Variants in KANSL1 observed in about 807,000 individuals in gnomAD.
KANSL1 encodes MLL1/MLL complex subunit KANSL1.
KANSL1 carries 22 observed loss-of-function variants against 103.6 expected under a neutral mutation model. The ratio of observed to expected loss-of-function variants is 0.21; its 90% confidence interval spans 0.15 to 0.30. The LOEUF (loss-of-function observed/expected upper bound fraction) is 0.30. Among genes scored for constraint, KANSL1 ranks in the 10% least tolerant of loss-of-function variants. KANSL1 has a pLI of 1.00. For missense variants in KANSL1, 1,337 were observed against 1,399.8 expected (o/e 0.96, Z 0.72); for synonymous variants, 600 against 527.6 (o/e 1.14, Z -1.88).
intron 2 of KANSL1, among the ~76,000 whole-genome samples, chr17:46,123,389 G>C (rs1598681912): frequency 6.6e-6 from 1 of 152,118 alleles, no homozygotes; most frequent in East Asian, 1.9e-4. Flanking sequence ...AAAAGAAAAA[G>C]AATATATATT....
chr17:46,132,081 C>T (rs1036758394), intron 2 of KANSL1, among the ~76,000 whole-genome samples: 1 of 151,970 alleles, frequency 6.6e-6, no homozygotes, highest in Admixed American at 6.6e-5. Flanking sequence ...GAGTCAAGAT[C>T]GTGCCATTGC....
chr17:46,183,445 T>C (rs1244568165), intron 1 of KANSL1, among the ~76,000 whole-genome samples: 4 of 151,352 alleles, frequency 2.6e-5, no homozygotes, highest in Admixed American at 1.3e-4. Context: ...CTGGGCATAG[T>C]GGGAGGGTCA....
intron 1 of KANSL1, among the ~76,000 whole-genome samples, chr17:46,217,304 C>G (rs1343674226): frequency 1.3e-5 from 2 of 150,500 alleles, no homozygotes; most frequent in Non-Finnish European, 3.0e-5. Flanking sequence ...GGTGAAACCC[C>G]ATCTCTACCA....
At chr17:46,153,762 T>C (rs944552425) in intron 2 of KANSL1, among the ~76,000 whole-genome samples, 1 of 152,150 alleles carries the variant, frequency 6.6e-6, no homozygotes, top group Non-Finnish European at 1.5e-5. Flanking sequence ...AAAGTATCAA[T>C]ACAAAGAAGA....
intron 10 of KANSL1, 96 bp downstream of exon 10, chr17:46,038,442 G>C (rs1032490928): frequency 1.0e-5 from 14 of 1,333,672 alleles, no homozygotes; most frequent in African/African-American, 2.9e-5. Context: ...AAATGCCCTG[G>C]GCTTTATAAC....
intron 2 of KANSL1, among the ~76,000 whole-genome samples, chr17:46,153,580 A>C (rs993144148): frequency 6.6e-6 from 1 of 152,238 alleles, no homozygotes; most frequent in African/African-American, 2.4e-5. Flanking sequence ...ACAGAACACT[A>C]GTATAGGAAA....
At chr17:46,212,716 G>C (rs2048202829) in intron 1 of KANSL1, among the ~76,000 whole-genome samples, 1 of 152,018 alleles carries the variant, frequency 6.6e-6, no homozygotes, top group Non-Finnish European at 1.5e-5. Flanking sequence ...TAAATTCCTA[G>C]ATGTGCAATT....
In KANSL1 at chr17:46,171,516, G is replaced by C; in HGVS notation, c.628C>G (p.Leu210Val). ...TCTACATCAAGGCTTCTATGTGGAA[G>C]AGTGCAATTGGTCATACCCCCCTTC... ...DLKGGMTNCT[L>V]PHRSLDVEHT... The change falls in exon 2 of 15, where the codon CTT becomes GTT. Residue 210 changes from leucine to valine, a missense_variant. By Grantham distance (32) the Leu-to-Val change is conservative (BLOSUM62 1). This residue lies in a region of KANSL1 where 557 missense variants were observed against 476.4 expected (regional missense o/e 1.17). Coordinates refer to ENST00000432791, the MANE Select transcript of KANSL1 (RefSeq NM_015443.4). 6.2e-7 allele frequency: 1 copy of C among 1,614,010 alleles called. No homozygotes were observed. The highest frequency in any genetic ancestry group is 8.5e-7 in the Non-Finnish European group (1 of 1,179,966).
rs1418919075 is a variant in KANSL1, at chr17:46,099,042, G to A, written c.1290-4341C>T. ...CTTTTGTTCCTTAACAAATACAAGC[G>A]GCCGGGCGCGGTGGCTCACGCTTGT... On this transcript the variant is annotated intron_variant, in intron 2 of 14. Coordinates refer to ENST00000432791, the MANE Select transcript of KANSL1 (RefSeq NM_015443.4). Among the ~76,000 whole-genome samples the A allele has an allele frequency of 7.1e-5, 8 of 113,154 alleles. 1 individual carries two copies. The highest frequency in any genetic ancestry group is 2.4e-4 in the South Asian group (1 of 4,162). The allele number at this position is 113,154 out of a possible 152,430, so 74.2% of individuals were successfully genotyped here. A position where few individuals can be genotyped will look rare whatever the true frequency, so the allele number is the denominator to read the frequency against.
At chr17:46,201,905 G>C (rs1051165687) in intron 1 of KANSL1, among the ~76,000 whole-genome samples, 2 of 152,184 alleles carry the variant, frequency 1.3e-5, no homozygotes, top group African/African-American at 2.4e-5. Context: ...TACACAGGAA[G>C]CCAAGGTGGG....
intron 6 of KANSL1, among the ~76,000 whole-genome samples, chr17:46,063,475 A>C (rs1266570923): frequency 6.6e-6 from 1 of 152,228 alleles, no homozygotes; most frequent in Non-Finnish European, 1.5e-5. Flanking sequence ...GAGACACAGA[A>C]AGCAACCTAG....
chr17:46,068,728 CAG>C (rs2078470798), intron 4 of KANSL1, among the ~76,000 whole-genome samples: 1 of 151,948 alleles, frequency 6.6e-6, no homozygotes, highest in South Asian at 2.1e-4. Flanking sequence ...AATGAAATAA[CAG>C]ATGAGAAAGA....
intron 1 of KANSL1, among the ~76,000 whole-genome samples, chr17:46,175,798 TGTC>T (rs1341618830): frequency 6.6e-6 from 1 of 152,254 alleles, no homozygotes. Context: ...TATTCTATGT[TGTC>T]TTTTCCCATT....
intron 2 of KANSL1, among the ~76,000 whole-genome samples, chr17:46,166,150 T>C (rs571377446): frequency 2.1e-4 from 31 of 150,386 alleles, no homozygotes; most frequent in East Asian, 7.9e-4. Flanking sequence ...GAGGTGGAGA[T>C]TGCAGTGAGC....
At chr17:46,041,239 A>G (rs2077303698) in intron 7 of KANSL1, 1 of 152,302 alleles carries the variant, frequency 6.6e-6, no homozygotes, top group Middle Eastern at 3.4e-3. Context: ...ATCATCTACA[A>G]ATGGAGACTG....
intron 4 of KANSL1, among the ~76,000 whole-genome samples, chr17:46,074,850 G>C (rs1274713623): frequency 6.6e-6 from 1 of 151,996 alleles, no homozygotes; most frequent in African/African-American, 2.4e-5. Context: ...ATTTTACAGA[G>C]GAGAAAGCTG....
intron 2 of KANSL1, among the ~76,000 whole-genome samples, chr17:46,112,022 G>A (rs1171416820): frequency 6.6e-6 from 1 of 152,120 alleles, no homozygotes; most frequent in Non-Finnish European, 1.5e-5. Flanking sequence ...TTTCCCAAAG[G>A]AGAATGGCTG....
At chr17:46,091,820 T>G (rs1017327154) in intron 3 of KANSL1, among the ~76,000 whole-genome samples, 3 of 151,964 alleles carry the variant, frequency 2.0e-5, no homozygotes, top group Admixed American at 2.0e-4. Flanking sequence ...TAAGTATGTA[T>G]GTATGTATGT....
intron 2 of KANSL1, among the ~76,000 whole-genome samples, chr17:46,100,012 A>G (rs1426637694): frequency 6.6e-6 from 1 of 152,250 alleles, no homozygotes; most frequent in Non-Finnish European, 1.5e-5. Flanking sequence ...GGTTTACATA[A>G]GAAATATTTG....
Sources: allele counts gnomAD v4.1 joint callset (sites outside exome capture counted in the v4.1 genomes callset), GRCh38; gene constraint gnomAD v4.1.1; regional missense constraint gnomAD v4.1.1; transcripts MANE v1.5; gene names NCBI Gene and HGNC (gene_info 2026-07-23, HGNC 2026-07-21).